The following CPQ variants were observed in gnomAD, a reference collection of about 807,000 sequenced individuals.
CPQ encodes the protein carboxypeptidase Q, also known as Ser-Met dipeptidase.
In CPQ, 37 loss-of-function variants were observed where a neutral mutation model predicts 45.7. That is an observed-to-expected ratio of 0.81 (90% CI 0.62 to 1.07). CPQ has a LOEUF of 1.07. CPQ is among the 50% of genes least tolerant of loss of function. The probability of loss-of-function intolerance (pLI) is 0.00; values close to 1 mark genes in which losing one functional copy is unlikely to be tolerated. For synonymous variants in CPQ, 186 were observed against 205.8 expected (o/e 0.90, Z 0.82); for missense variants, 537 against 572.9 (o/e 0.94, Z 0.64).
intron 4 of CPQ, among the ~76,000 whole-genome samples, chr8:96,905,826 G>A (rs1174594633): frequency 2.0e-5 from 3 of 149,328 alleles, no homozygotes; most frequent in Admixed American, 6.7e-5. Context: ...GTTCCTAGAA[G>A]CCAGGTTTTG....
intron 1 of CPQ, among the ~76,000 whole-genome samples, chr8:96,775,419 G>A (rs912941161): frequency 9.9e-5 from 15 of 152,214 alleles, no homozygotes; most frequent in Non-Finnish European, 1.9e-4. Flanking sequence ...AAGACATAAT[G>A]AAGAAGTCAG....
intron 1 of CPQ, among the ~76,000 whole-genome samples, chr8:96,654,143 G>A (rs1455180172): frequency 6.6e-6 from 1 of 152,076 alleles, no homozygotes; most frequent in East Asian, 1.9e-4. Context: ...TCATCATAAG[G>A]CACTGGTTCA....
intron 3 of CPQ, among the ~76,000 whole-genome samples, chr8:96,867,651 T>C (rs1812012589): frequency 6.6e-6 from 1 of 152,070 alleles, no homozygotes; most frequent in Non-Finnish European, 1.5e-5. Context: ...CCCTATTTTT[T>C]AAGTCATTTT....
intron 1 of CPQ, among the ~76,000 whole-genome samples, chr8:96,696,549 A>T (rs904005670): frequency 6.6e-6 from 1 of 152,088 alleles, no homozygotes; most frequent in Non-Finnish European, 1.5e-5. Flanking sequence ...TAAAATTAAA[A>T]TTAAAAAATA....
At chr8:96,781,865 G>A (rs1317507077) in intron 1 of CPQ, among the ~76,000 whole-genome samples, 3 of 152,300 alleles carry the variant, frequency 2.0e-5, no homozygotes, top group Non-Finnish European at 2.9e-5. Flanking sequence ...AGGCAAGGAA[G>A]GGGTAACTGG....
At chr8:96,702,494 C>T (rs1444817938) in intron 1 of CPQ, among the ~76,000 whole-genome samples, 1 of 152,120 alleles carries the variant, frequency 6.6e-6, no homozygotes, top group Non-Finnish European at 1.5e-5. Context: ...AGATAATATC[C>T]CATTGCCTTA....
At chr8:97,077,412 T>G (rs1388478169) in intron 7 of CPQ, among the ~76,000 whole-genome samples, 4 of 152,210 alleles carry the variant, frequency 2.6e-5, no homozygotes, top group African/African-American at 9.7e-5. Flanking sequence ...CTCACCACAA[T>G]AGCAACAGGA....
chr8:96,937,779 TA>T (rs1813073055), intron 4 of CPQ, among the ~76,000 whole-genome samples: 1 of 152,210 alleles, frequency 6.6e-6, no homozygotes, highest in Non-Finnish European at 1.5e-5. Context: ...CTCTTATTAC[TA>T]AACCTTACAG....
intron 7 of CPQ, among the ~76,000 whole-genome samples, chr8:97,105,582 G>C (rs1328509192): frequency 6.6e-6 from 1 of 152,086 alleles, no homozygotes; most frequent in Non-Finnish European, 1.5e-5. Flanking sequence ...ATAACAATCT[G>C]CTCCTTTTAC....
At chr8:97,020,717 TTGAAA>T (rs1417659154) in intron 5 of CPQ, among the ~76,000 whole-genome samples, 4 of 151,986 alleles carry the variant, frequency 2.6e-5, no homozygotes, top group Admixed American at 6.6e-5. Flanking sequence ...AGCAGCAAGA[TTGAAA>T]TGATAATTAA....
In CPQ at chr8:96,749,458, A is replaced by T. The variant is rs137876755; in HGVS notation, c.-34-35406A>T. On this transcript the variant is annotated intron_variant, in intron 1 of 7. Transcript: ENST00000220763. The stretch of plus-strand genomic sequence containing the variant: ...CTGGATTAGGGCCAATACTTTGATA[A>T]CCCAGTCAGCAAAGATCAGAAGTCA... Among the ~76,000 whole-genome samples the T allele has an allele frequency of 4.7e-3, 723 of 152,354 alleles. 11 individuals carry two copies. The highest frequency in any genetic ancestry group is 0.012 in the African/African-American group (510 of 41,588).
intron 5 of CPQ, among the ~76,000 whole-genome samples, chr8:96,970,155 T>C (rs1033240284): frequency 6.6e-6 from 1 of 152,088 alleles, no homozygotes; most frequent in African/African-American, 2.4e-5. Context: ...GAAATGTAAT[T>C]CAGAGTAACA....
intron 7 of CPQ, among the ~76,000 whole-genome samples, chr8:97,067,416 C>G (rs527555541): frequency 6.6e-6 from 1 of 152,232 alleles, no homozygotes; most frequent in African/African-American, 2.4e-5. Flanking sequence ...ACATAGGATG[C>G]CTAACATTTG....
At chr8:97,017,583 G>A (rs1356443920) in intron 5 of CPQ, among the ~76,000 whole-genome samples, 1 of 152,190 alleles carries the variant, frequency 6.6e-6, no homozygotes, top group African/African-American at 2.4e-5. Flanking sequence ...CAGTGAGAGT[G>A]AGATCAGCCC....
At chr8:97,060,714 C>A (rs1810536292) in intron 6 of CPQ, among the ~76,000 whole-genome samples, 1 of 152,126 alleles carries the variant, frequency 6.6e-6, no homozygotes, top group Non-Finnish European at 1.5e-5. Flanking sequence ...GGATGAATAT[C>A]TTGTTACATG....
Position 97,082,887 on chromosome 8 carries a change from A to C in CPQ, c.1255+16677A>C, listed in dbSNP as rs551363461. Among the ~76,000 whole-genome samples, 79 of 152,244 alleles carry C rather than the reference A, an allele frequency of 5.2e-4. 1 individual carries two copies. The Middle Eastern group carries it at 0.01, about 20-fold the overall frequency. ...ATTTATAGGAACACTCTCTACAGCT[A>C]CTCTAACGTGTATGTTATCCAAGAA... On this transcript the variant is annotated intron_variant, in intron 7 of 7. Coordinates refer to ENST00000220763, the MANE Select transcript of CPQ (RefSeq NM_016134.4).
At chr8:97,046,584 C>CG (rs1161740158) in intron 6 of CPQ, among the ~76,000 whole-genome samples, 2 of 152,144 alleles carry the variant, frequency 1.3e-5, no homozygotes, top group Non-Finnish European at 2.9e-5. Context: ...CTAGTTAAAA[C>CG]GGGAGTGTAA....
At chr8:96,667,095 C>G (rs1443356423) in intron 1 of CPQ, among the ~76,000 whole-genome samples, 2 of 87,288 alleles carry the variant, frequency 2.3e-5, no homozygotes, top group African/African-American at 8.2e-5. Flanking sequence ...ATCCCCACTT[C>G]TCCCACAAAA....
chr8:96,700,149 A>C (rs894603241), intron 1 of CPQ, among the ~76,000 whole-genome samples: 3 of 152,120 alleles, frequency 2.0e-5, no homozygotes, highest in Non-Finnish European at 4.4e-5. Flanking sequence ...GTGAAGGAAG[A>C]AAAGGACCTA....
Sources: allele counts gnomAD v4.1 joint callset (sites outside exome capture counted in the v4.1 genomes callset), GRCh38; gene constraint gnomAD v4.1.1; transcripts MANE v1.5; gene names NCBI Gene and HGNC (gene_info 2026-07-23, HGNC 2026-07-21).